The following OTC variants were observed in gnomAD, a reference collection of about 807,000 sequenced individuals.
OTC encodes ornithine transcarbamylase, also known as ornithine transcarbamylase, mitochondrial.
Under a neutral mutation model 30.3 loss-of-function variants are expected in OTC, and 3 were observed. That is an observed-to-expected ratio of 0.10 (90% CI 0.05 to 0.26). The LOEUF is 0.26. Among genes scored for constraint, OTC ranks in the 10% least tolerant of loss-of-function variants. The probability of loss-of-function intolerance (pLI) is 1.00; values close to 1 mark genes in which losing one functional copy is unlikely to be tolerated. For synonymous variants in OTC, 111 were observed against 99.7 expected (o/e 1.11, Z -0.67); for missense variants, 194 against 260.3 (o/e 0.75, Z 1.75).
At chrX:38,373,551 G>A in intron 3 of OTC, 1 of 112,722 alleles carries the variant, frequency 8.9e-6, no homozygotes, top group Non-Finnish European at 1.9e-5. Context: ...GGCATTCTAA[G>A]AGATGGTTCT....
intron 8 of OTC, among the ~76,000 whole-genome samples, chrX:38,411,380 A>AT (rs1257288386): frequency 9.2e-6 from 1 of 109,086 alleles, no homozygotes; most frequent in Non-Finnish European, 1.9e-5. Context: ...AAAAAAAAAA[A>AT]GACTTGCCAG....
intron 4 of OTC, among the ~76,000 whole-genome samples, chrX:38,395,163 G>C (rs1020098061): frequency 9.1e-6 from 1 of 110,247 alleles, no homozygotes; most frequent in African/African-American, 3.3e-5. Context: ...AGTAGAGACG[G>C]GGTTTCACTA....
At chrX:38,349,977 A>T (rs1261332639), upstream of OTC, among the ~76,000 whole-genome samples, 1 of 111,124 alleles carries the variant, frequency 9.0e-6, no homozygotes, top group African/African-American at 3.3e-5. Flanking sequence ...CTTTAGGTCT[A>T]CTCACAGGTT....
At chrX:38,372,701 C>T (rs2068328932) in intron 3 of OTC, among the ~76,000 whole-genome samples, 1 of 112,742 alleles carries the variant, frequency 8.9e-6, no homozygotes, top group African/African-American at 3.2e-5. Context: ...TCACTGAAAG[C>T]GAGTAGCTGT....
At chrX:38,358,222 C>T (rs183017108) in intron 1 of OTC, among the ~76,000 whole-genome samples, 2 of 109,944 alleles carry the variant, frequency 1.8e-5, no homozygotes, top group African/African-American at 3.3e-5. Flanking sequence ...CTAATTCAAG[C>T]GTGGCTTTAT....
chrX:38,411,715 T>C lies in OTC; in HGVS notation c.868-147T>C, dbSNP rs777880968. The stretch of plus-strand genomic sequence containing the variant: ...ACCATGTACATTTCTCCTAGGTGTC[T>C]TGAGATAAAACCATCACTCTGCTCC... On this transcript the variant is annotated intron_variant, in intron 8 of 9. Transcript: ENST00000039007. 6.8e-6 allele frequency: 4 copies of C among 584,932 alleles called. No homozygotes were observed. In the East Asian group the frequency reaches 1.4e-4, roughly 20 times the overall value. 48.2% of individuals were successfully genotyped at this position (584,932 alleles called of 1,213,427 possible).
At chrX:38,355,582 A>T (rs1250111410) in intron 1 of OTC, among the ~76,000 whole-genome samples, 1 of 112,329 alleles carries the variant, frequency 8.9e-6, no homozygotes, top group Non-Finnish European at 1.9e-5. Context: ...AAGGGCTCAC[A>T]TAACTCATTA....
the OTC span, among the ~76,000 whole-genome samples, chrX:38,333,132 T>C: frequency 4.7e-5 from 5 of 106,597 alleles, no homozygotes; most frequent in Admixed American, 2.0e-4. Flanking sequence ...GGAGAATCAC[T>C]TGAACTCGGG....
intron 4 of OTC, among the ~76,000 whole-genome samples, chrX:38,392,033 T>A (rs775563239): frequency 8.9e-6 from 1 of 112,334 alleles, no homozygotes; most frequent in East Asian, 2.8e-4. Flanking sequence ...GCCTTTCCTT[T>A]TTCTAAACAG....
intron 3 of OTC, 136 bp downstream of exon 3, chrX:38,370,013 A>G (rs1448989314): frequency 2.3e-6 from 1 of 430,201 alleles, no homozygotes; most frequent in African/African-American, 2.5e-5. Context: ...GGGAGCAGCA[A>G]TGCAAGCCTG....
At chrX:38,401,580 G>A in intron 5 of OTC, 152 bp downstream of exon 5, 1 of 513,944 alleles carries the variant, frequency 1.9e-6, no homozygotes, top group East Asian at 3.6e-5. Context: ...ATTTTCTGGG[G>A]AAAACAGGAC....
chrX:38,411,811 A>G, intron 8 of OTC, 51 bp from the exon 9 acceptor site: 1 of 1,167,238 alleles, frequency 8.6e-7, no homozygotes, highest in African/African-American at 1.8e-5. Flanking sequence ...GAAAACAAAT[A>G]TGACTGCCAC....
At chrX:38,375,669 G>T (rs1278159978) in intron 3 of OTC, among the ~76,000 whole-genome samples, 1 of 111,403 alleles carries the variant, frequency 9.0e-6, no homozygotes. Context: ...TTGGGAATTC[G>T]GTCTTAGATA....
At chrX:38,404,246 G>A (rs2068505069) in intron 6 of OTC, among the ~76,000 whole-genome samples, 1 of 112,039 alleles carries the variant, frequency 8.9e-6, no homozygotes. Flanking sequence ...GAAAATTTGA[G>A]CCCCACATGG....
the OTC span, among the ~76,000 whole-genome samples, chrX:38,334,152 G>T: frequency 2.7e-5 from 3 of 112,327 alleles, no homozygotes; most frequent in Non-Finnish European, 3.8e-5. Context: ...GTACTATGAT[G>T]ATAATGGCTT....
chrX:38,372,651 A>G (rs1240353331), intron 3 of OTC, among the ~76,000 whole-genome samples: 3 of 112,660 alleles, frequency 2.7e-5, no homozygotes, highest in African/African-American at 6.4e-5. Context: ...CATTATCCTC[A>G]ATAATTGCAT....
the OTC span, among the ~76,000 whole-genome samples, chrX:38,344,010 C>G: frequency 9.0e-6 from 1 of 110,875 alleles, no homozygotes; most frequent in African/African-American, 3.3e-5. Context: ...TATTTTTAGA[C>G]AAACTACCAT....
chrX:38,401,130 C>T, intron 4 of OTC, 145 bp from the exon 5 acceptor site: 2 of 508,797 alleles, frequency 3.9e-6, no homozygotes, highest in Admixed American at 5.8e-5. Context: ...TTTAATATTA[C>T]CTTTTAAACC....
At chrX:38,402,465 G>T (rs1294406070) in intron 5 of OTC, among the ~76,000 whole-genome samples, 2 of 112,211 alleles carry the variant, frequency 1.8e-5, no homozygotes, top group African/African-American at 3.2e-5. Flanking sequence ...GATGGATCTG[G>T]AATTAAATTC....
Sources: gnomAD v4.1 joint callset for allele counts (sites outside exome capture counted in the v4.1 genomes callset) on GRCh38, gnomAD v4.1.1 for gene constraint, MANE v1.5 for transcripts, NCBI Gene and HGNC (gene_info 2026-07-23, HGNC 2026-07-21) for gene names.